The following NEK1 variants were observed in gnomAD, a reference collection of about 807,000 sequenced individuals.
NEK1 encodes NIMA related kinase 1, also known as serine/threonine-protein kinase Nek1.
Under a neutral mutation model 182.1 loss-of-function variants are expected in NEK1, and 137 were observed. That is an observed-to-expected ratio of 0.75 (90% CI 0.65 to 0.87). The LOEUF (loss-of-function observed/expected upper bound fraction) is 0.87. NEK1 is among the 40% of genes least tolerant of loss of function. The probability of loss-of-function intolerance (pLI) is 0.00; values close to 1 mark genes in which losing one functional copy is unlikely to be tolerated. For synonymous variants in NEK1, 513 were observed against 492.2 expected, an observed-to-expected ratio of 1.04 and a Z score of -0.56; for missense variants, 1,391 against 1,494.4, an observed-to-expected ratio of 0.93 and a Z score of 1.14.
At chr4:169,445,865 T>TATATATATATATATATATATATATAC (rs569539235) in intron 27 of NEK1, among the ~76,000 whole-genome samples, 10 of 143,274 alleles carry the variant, frequency 7.0e-5, no homozygotes, top group African/African-American at 2.8e-4. Flanking sequence ...TATATATATA[T>TATATATATATATATATATATATATAC]ACACACACAC....
At chr4:169,476,181 C>T (rs945136779) in intron 26 of NEK1, among the ~76,000 whole-genome samples, 1 of 151,986 alleles carries the variant, frequency 6.6e-6, no homozygotes, top group African/African-American at 2.4e-5. Context: ...ATCATAAAAG[C>T]AGACAGATAG....
chr4:169,480,961 C>T (rs1056736880), intron 23 of NEK1, among the ~76,000 whole-genome samples: 4 of 152,194 alleles, frequency 2.6e-5, no homozygotes, highest in Non-Finnish European at 2.9e-5. Context: ...TCAGTCATCT[C>T]AAACCCTGCT....
At chr4:169,594,279 G>A (rs1045824394) in intron 5 of NEK1, among the ~76,000 whole-genome samples, 2 of 152,132 alleles carry the variant, frequency 1.3e-5, no homozygotes, top group African/African-American at 4.8e-5. Flanking sequence ...ATTTCTATGT[G>A]TAATAAAATG....
chr4:169,587,807 A>C (rs1157512524), intron 8 of NEK1, among the ~76,000 whole-genome samples, 194 bp from the exon 9 acceptor site: 1 of 152,120 alleles, frequency 6.6e-6, no homozygotes, highest in African/African-American at 2.4e-5. Context: ...GGTTGCCCCA[A>C]CAATTACTTT....
chr4:169,412,877 G>C (rs974957880), intron 31 of NEK1, among the ~76,000 whole-genome samples: 1 of 151,528 alleles, frequency 6.6e-6, no homozygotes, highest in Non-Finnish European at 1.5e-5. Flanking sequence ...AAGACTGAGA[G>C]GGGTGGTGGG....
At chr4:169,417,418 G>A (rs1478934227) in intron 31 of NEK1, among the ~76,000 whole-genome samples, 2 of 152,138 alleles carry the variant, frequency 1.3e-5, no homozygotes, top group African/African-American at 4.8e-5. Context: ...AAGACTTCTG[G>A]TTTCTATTTG....
At chr4:169,604,802 T>C (rs1006306166) in intron 2 of NEK1, among the ~76,000 whole-genome samples, 3 of 152,206 alleles carry the variant, frequency 2.0e-5, no homozygotes, top group African/African-American at 4.8e-5. Context: ...AAAGAGCCTT[T>C]CTCTACCTTA....
intron 5 of NEK1, among the ~76,000 whole-genome samples, 188 bp downstream of exon 5, chr4:169,598,912 T>C (rs1770019457): frequency 6.6e-6 from 1 of 152,170 alleles, no homozygotes; most frequent in African/African-American, 2.4e-5. Context: ...TTACAGACTA[T>C]AAATGAGATG....
intron 11 of NEK1, among the ~76,000 whole-genome samples, chr4:169,578,734 CTG>C (rs910521552): frequency 1.3e-5 from 2 of 152,060 alleles, no homozygotes; most frequent in Non-Finnish European, 1.5e-5. Flanking sequence ...ATTTAGTAAA[CTG>C]TTTTAAAAAT....
intron 23 of NEK1, among the ~76,000 whole-genome samples, chr4:169,487,027 C>G (rs1426042086): frequency 6.6e-6 from 1 of 152,172 alleles, no homozygotes; most frequent in Admixed American, 6.6e-5. Context: ...AAGGACCCAT[C>G]ATCACATATT....
rs777252224 is a variant in NEK1 at position 169,537,896 on chromosome 4, T to C, written c.1578A>G (p.Leu526=). Residue 526 remains leucine (L), a synonymous_variant, in exon 19 of 36, where the codon CTA becomes CTG. Transcript: ENST00000507142. ...QANANRQKGQ[L]AVERAKQVEE... ...CTACTTGTTTAGCTCTTTCTACAGC[T>C]AGCTGCCCTTTTTGCCTAATTTGGA... 1 of 1,602,410 alleles carries C rather than the reference T, an allele frequency of 6.2e-7. No individual in the cohort carries two copies. The highest frequency in any genetic ancestry group is 8.5e-7 in the Non-Finnish European group (1 of 1,173,764).
chr4:169,438,260 C>T lies in NEK1; in HGVS notation c.2588-1G>A, dbSNP rs2149426022. ...TACTTTTCCCCTTCGGGAGAAATCTCTGTGAAAACAAAAAATAAAAAATCA... is the reference window on the plus strand; with the variant it reads ...TACTTTTCCCCTTCGGGAGAAATCTTTGTGAAAACAAAAAATAAAAAATCA... On this transcript the variant is annotated splice_acceptor_variant, in intron 27 of 35. Transcript: ENST00000507142. LOFTEE classifies it high-confidence loss of function. The T allele has an allele frequency of 1.3e-6, 2 of 1,521,598 alleles. No individual in the cohort carries two copies. The highest frequency in any genetic ancestry group is 1.3e-5 in the South Asian group (1 of 78,474). 94.3% of individuals were successfully genotyped at this position (1,521,598 alleles called of 1,614,324 possible).
At chr4:169,426,099 C>T in intron 30 of NEK1, 47 bp downstream of exon 30, 46 of 1,334,026 alleles carry the variant, frequency 3.4e-5, no homozygotes, top group Non-Finnish European at 4.5e-5. Context: ...TGTTAATAAT[C>T]ATTAACATCT....
intron 27 of NEK1, among the ~76,000 whole-genome samples, chr4:169,448,343 TG>T (rs1447197741): frequency 5.3e-5 from 8 of 152,198 alleles, no homozygotes; most frequent in African/African-American, 1.9e-4. Flanking sequence ...TTTGCTTGTT[TG>T]GTATCTGTTT....
intron 19 of NEK1, among the ~76,000 whole-genome samples, chr4:169,511,675 G>C (rs28703145): frequency 6.6e-6 from 1 of 151,278 alleles, no homozygotes; most frequent in Admixed American, 6.6e-5. Context: ...TATTTGTGCC[G>C]TGCATCTACA....
chr4:169,428,351 G>GATATATATATAGATATATATATATATAT (rs1554029053), intron 29 of NEK1, among the ~76,000 whole-genome samples: 1 of 93,224 alleles, frequency 1.1e-5, no homozygotes, highest in East Asian at 4.5e-4. Context: ...AAATATATGG[G>GATATATATATAGATATATATATATATAT]ATATATATAT....
chr4:169,458,412 T>G (rs1392086148), intron 27 of NEK1, among the ~76,000 whole-genome samples: 1 of 152,046 alleles, frequency 6.6e-6, no homozygotes, highest in African/African-American at 2.4e-5. Context: ...TTACTCCAAA[T>G]AAATCACATA....
intron 23 of NEK1, among the ~76,000 whole-genome samples, chr4:169,493,031 T>A (rs999890605): frequency 6.6e-6 from 1 of 152,220 alleles, no homozygotes; most frequent in African/African-American, 2.4e-5. Flanking sequence ...TCTGGGCTTC[T>A]CTGGTGGCTC....
At chr4:169,596,679 T>C (rs1769548899) in intron 5 of NEK1, among the ~76,000 whole-genome samples, 1 of 152,184 alleles carries the variant, frequency 6.6e-6, no homozygotes, top group Non-Finnish European at 1.5e-5. Flanking sequence ...GTTCCCCACT[T>C]ACATTCTAGA....
Sources: allele counts gnomAD v4.1 joint callset (sites outside exome capture counted in the v4.1 genomes callset), GRCh38; gene constraint gnomAD v4.1.1; transcripts MANE v1.5; gene names NCBI Gene and HGNC (gene_info 2026-07-23, HGNC 2026-07-21).